The following MAP4 variants were observed in gnomAD, a reference collection of about 807,000 sequenced individuals.
MAP4 encodes the protein microtubule associated protein 4, also known as microtubule-associated protein 4.
In MAP4, 76 loss-of-function variants were observed where a neutral mutation model predicts 170.2. The observed-to-expected ratio is 0.45, with a 90% CI of 0.37 to 0.54. MAP4 has a LOEUF of 0.54. Ranked by LOEUF, MAP4 falls within the 20% of genes least tolerant of loss-of-function variation. The pLI is 0.00. For missense variants in MAP4, 2,506 were observed against 2,748.0 expected (o/e 0.91, Z 1.97); for synonymous variants, 909 against 994.5 (o/e 0.91, Z 1.62).
chr3:48,057,007 G>A lies in MAP4; in HGVS notation c.-20+31766C>T, dbSNP rs1389124513. Among the ~76,000 whole-genome samples the A allele has an allele frequency of 2.2e-3, 300 of 134,038 alleles. 1 individual carries two copies. Among genetic ancestry groups the A allele is most frequent in the African/African-American group, 8.0e-3 (284 of 35,468 alleles). The allele number at this position is 134,038 out of a possible 152,430, so 87.9% of individuals were successfully genotyped here. The stretch of plus-strand genomic sequence containing the variant: ...GTGGGGGGGGTCAGCCCCCCTGCCC[G>A]GCCAGCCGCCCCGTCCGGGAGGTGA... On this transcript the variant is annotated intron_variant, in intron 1 of 18. Coordinates refer to the MAP4 transcript ENST00000360240.
At chr3:48,067,206 T>C (rs1023530166) in intron 1 of MAP4, among the ~76,000 whole-genome samples, 1 of 152,048 alleles carries the variant, frequency 6.6e-6, no homozygotes, top group African/African-American at 2.4e-5. Context: ...TGTTTTCTCC[T>C]GGAAAGACTC....
intron 1 of MAP4, among the ~76,000 whole-genome samples, chr3:48,042,109 A>G (rs1474076980): frequency 1.3e-5 from 2 of 152,254 alleles, no homozygotes; most frequent in East Asian, 1.9e-4. Context: ...GCCCATGGCT[A>G]TAAATGGGAA....
chr3:47,931,334 T>C (rs2100049679), intron 3 of MAP4, among the ~76,000 whole-genome samples: 1 of 152,162 alleles, frequency 6.6e-6, no homozygotes, highest in African/African-American at 2.4e-5. Flanking sequence ...TCACCTGTGA[T>C]CACACTACTG....
At chr3:48,003,181 G>A (rs1579120624) in intron 1 of MAP4, among the ~76,000 whole-genome samples, 1 of 151,932 alleles carries the variant, frequency 6.6e-6, no homozygotes, top group South Asian at 2.1e-4. Context: ...TGGGCCGGGC[G>A]CAATGGCTCA....
chr3:47,966,376 A>G (rs747518090), intron 3 of MAP4, among the ~76,000 whole-genome samples: 33 of 150,978 alleles, frequency 2.2e-4, no homozygotes, highest in South Asian at 1.3e-3. Context: ...CCTCCTGAGT[A>G]GCTGGGACTA....
intron 1 of MAP4, among the ~76,000 whole-genome samples, chr3:48,012,214 A>G (rs147022901): frequency 0.011 from 1,604 of 152,314 alleles, 28 homozygotes; most frequent in African/African-American, 0.037. Context: ...CAGCCATATT[A>G]CGGAACTTTC....
intron 1 of MAP4, among the ~76,000 whole-genome samples, chr3:48,088,457 C>T (rs1228609965): frequency 6.6e-6 from 1 of 152,176 alleles, no homozygotes; most frequent in Non-Finnish European, 1.5e-5. Flanking sequence ...CGCTCCGCGG[C>T]TCAGCCCCAT....
chr3:48,010,184 C>T (rs565364609), intron 1 of MAP4, among the ~76,000 whole-genome samples: 36 of 152,240 alleles, frequency 2.4e-4, no homozygotes, highest in Non-Finnish European at 4.6e-4. Flanking sequence ...TGGATCACTC[C>T]ACCAGGAAAA....
At chr3:47,897,030 G>A (rs759328359) in intron 10 of MAP4, among the ~76,000 whole-genome samples, 15 of 152,192 alleles carry the variant, frequency 9.9e-5, no homozygotes, top group Non-Finnish European at 1.8e-4. Flanking sequence ...AAAACTTAAT[G>A]GAAAAGCCAC....
rs72909694 is a variant in MAP4 at position 47,886,486 on chromosome 3, G to A, written c.5435-8963C>T. On this transcript the variant is annotated intron_variant, in intron 10 of 20. Coordinates refer to ENST00000683076, the MANE Select transcript of MAP4 (RefSeq NM_001385682.1). ...CACCTAATTTTTGTATTTTTCCATA[G>A]AGATGGGTTTTTTGCCATGTTGCTC... is the stretch of plus-strand genomic sequence containing the variant. Among the ~76,000 whole-genome samples the A allele has an allele frequency of 9.4e-3, 1,424 of 152,216 alleles. 24 individuals carry two copies. The highest frequency in any genetic ancestry group is 0.033 in the African/African-American group (1,354 of 41,538).
chr3:47,944,335 GT>G (rs2100058350), intron 3 of MAP4, among the ~76,000 whole-genome samples: 1 of 151,690 alleles, frequency 6.6e-6, no homozygotes, highest in Admixed American at 6.6e-5. Context: ...AACAAAATGT[GT>G]CCCCATGCAA....
chr3:47,885,582 G>T (rs538291526), intron 10 of MAP4, among the ~76,000 whole-genome samples: 1 of 152,246 alleles, frequency 6.6e-6, no homozygotes, highest in Non-Finnish European at 1.5e-5. Context: ...TGTCTTGGTA[G>T]GAGGTTTTTG....
chr3:48,045,258 C>A (rs1168496003), intron 1 of MAP4, among the ~76,000 whole-genome samples: 2,192 of 101,262 alleles, frequency 0.022, no homozygotes, highest in Middle Eastern at 0.033. Context: ...GACTCAGTCT[C>A]AAAAAAAAAA....
At chr3:48,000,005 A>C (rs1390409374) in intron 1 of MAP4, among the ~76,000 whole-genome samples, 1 of 151,996 alleles carries the variant, frequency 6.6e-6, no homozygotes, top group Non-Finnish European at 1.5e-5. Flanking sequence ...ACTTGAGACC[A>C]GGAGTTCAAG....
At chr3:47,915,675 T>A (rs1228520034) in intron 7 of MAP4, among the ~76,000 whole-genome samples, 1 of 152,046 alleles carries the variant, frequency 6.6e-6, no homozygotes, top group Non-Finnish European at 1.5e-5. Context: ...AGTAGTTGGG[T>A]AGATAATGGA....
chr3:48,024,078 G>A (rs924102594), intron 1 of MAP4, among the ~76,000 whole-genome samples: 7 of 152,336 alleles, frequency 4.6e-5, no homozygotes, highest in African/African-American at 9.6e-5. Context: ...TGGGGAGGCC[G>A]AGGCAGGTGG....
chr3:47,917,954 C>T (rs945623642), intron 6 of MAP4, among the ~76,000 whole-genome samples: 4 of 152,040 alleles, frequency 2.6e-5, no homozygotes, highest in Non-Finnish European at 5.9e-5. Flanking sequence ...TCTCAGCCTC[C>T]CTAGTAGCTG....
At chr3:48,086,154 A>T (rs1398671523) in intron 1 of MAP4, among the ~76,000 whole-genome samples, 1 of 148,346 alleles carries the variant, frequency 6.7e-6, no homozygotes, top group East Asian at 2.0e-4. Context: ...ACACACACTC[A>T]CACACACACA....
At chr3:48,028,871 C>T (rs762019885) in intron 1 of MAP4, among the ~76,000 whole-genome samples, 1 of 151,772 alleles carries the variant, frequency 6.6e-6, no homozygotes, top group Admixed American at 6.6e-5. Context: ...GGTCAGGCAC[C>T]GTGGCAAAGG....
Sources: gnomAD v4.1 joint callset for allele counts (sites outside exome capture counted in the v4.1 genomes callset) on GRCh38, gnomAD v4.1.1 for gene constraint, MANE v1.5 for transcripts, NCBI Gene and HGNC (gene_info 2026-07-23, HGNC 2026-07-21) for gene names.